ZNF266: variants seen among roughly 807,000 people sequenced by gnomAD.
ZNF266 encodes zinc finger protein 1.
A neutral mutation model predicts 16.4 loss-of-function variants in ZNF266; 16 were observed. The observed-to-expected ratio is 0.98, with a 90% CI of 0.66 to 1.48. The LOEUF (loss-of-function observed/expected upper bound fraction) is 1.48. Among genes scored for constraint, ZNF266 ranks in the 40% most tolerant of loss-of-function variants. The pLI is 0.00. For missense variants in ZNF266, 738 were observed against 689.1 expected, an observed-to-expected ratio of 1.07 and a Z score of -0.79; for synonymous variants, 262 against 237.9, an observed-to-expected ratio of 1.10 and a Z score of -0.93.
chr19:9,427,407 C>A (rs768709037), intron 5 of ZNF266, among the ~76,000 whole-genome samples: 3 of 152,166 alleles, frequency 2.0e-5, no homozygotes, highest in Non-Finnish European at 4.4e-5. Flanking sequence ...GCAACCTCCG[C>A]CACCCAGGGT....
intron 5 of ZNF266, among the ~76,000 whole-genome samples, chr19:9,427,988 G>A (rs200037582): frequency 6.6e-6 from 1 of 151,684 alleles, no homozygotes; most frequent in African/African-American, 2.4e-5. Context: ...AAAACGGGGG[G>A]AAAAATCAAC....
rs1007738382 is a variant in ZNF266, at chr19:9,413,584, A to T, written c.1542T>A (p.His514Gln). Residue 514 changes from histidine (H) to glutamine (Q), a missense_variant, in exon 11 of 11, where the codon CAT (histidine) becomes CAA (glutamine). Transcript: ENST00000592904. ...ECLECGKAFT[H>Q]SSSLNNHMRT... ...GCATGTGATTATTAAGACTGGAGGA[A>T]TGCGTAAATGCTTTACCACATTCCA... 6.2e-7 allele frequency: 1 copy of T among 1,614,198 alleles called. No individual in the cohort carries two copies. Among genetic ancestry groups the T allele is most frequent in the African/African-American group, 1.3e-5 (1 of 75,048 alleles).
intron 10 of ZNF266, 106 bp from the exon 11 acceptor site, chr19:9,414,826 A>C: frequency 7.6e-7 from 1 of 1,315,462 alleles, no homozygotes; most frequent in East Asian, 2.4e-5. Flanking sequence ...CATGTTTACC[A>C]TTTTCATTAC....
intron 9 of ZNF266, among the ~76,000 whole-genome samples, chr19:9,416,306 A>C (rs184899196): frequency 1.2e-4 from 18 of 151,950 alleles, no homozygotes; most frequent in Admixed American, 5.9e-4. Context: ...CCATGGAAGG[A>C]AAGTTGAGGA....
intron 5 of ZNF266, among the ~76,000 whole-genome samples, chr19:9,426,207 A>G (rs1160786715): frequency 6.6e-6 from 1 of 152,124 alleles, no homozygotes; most frequent in Non-Finnish European, 1.5e-5. Context: ...AAGGGGTCAG[A>G]TGGGAAGCAC....
In ZNF266 at chr19:9,428,733, A is replaced by AAC. The variant is rs1555761259; in HGVS notation, c.-130+4934_-130+4935insGT. On this transcript the variant is annotated intron_variant, in intron 5 of 10. Coordinates refer to ENST00000592904, the MANE Select transcript of ZNF266 (RefSeq NM_001370374.1). ...CAGGGTGGGAAAAAAAAAAAAAAAA[A>AAC]CCCTGGGAATCTCTTGTCTGACAGA... Among the ~76,000 whole-genome samples the AAC allele has an allele frequency of 7.6e-3, 1,150 of 150,392 alleles. 17 individuals carry two copies. Among genetic ancestry groups the AAC allele is most frequent in the African/African-American group, 0.026 (1,072 of 40,802 alleles).
intron 9 of ZNF266, 84 bp from the exon 10 acceptor site, chr19:9,415,826 G>A: frequency 8.1e-7 from 1 of 1,236,442 alleles, no homozygotes; most frequent in Non-Finnish European, 1.2e-6. Context: ...ATTTGTACTT[G>A]TTTTCTTTTT....
At chr19:9,418,038 CGTCT>C (rs2069326020) in intron 8 of ZNF266, 130 bp from the exon 9 acceptor site, 2 of 933,114 alleles carry the variant, frequency 2.1e-6, no homozygotes, top group African/African-American at 3.2e-5. Context: ...ATGCAAATAT[CGTCT>C]GTCTGTGCCC....
At chr19:9,415,623 G>GA (rs750409741) in intron 10 of ZNF266, 31 bp downstream of exon 10, 1 of 1,550,276 alleles carries the variant, frequency 6.5e-7, no homozygotes, top group Non-Finnish European at 8.9e-7. Flanking sequence ...CTCTAAATGT[G>GA]AAAACTAAGA....
At chr19:9,434,721 G>A (rs536188362) in intron 3 of ZNF266, 77 bp downstream of exon 3, 1 of 152,178 alleles carries the variant, frequency 6.6e-6, no homozygotes, top group Admixed American at 6.5e-5. Context: ...GGTTTTAAAA[G>A]GACATGTCTT....
chr19:9,431,225 A>C (rs2071540445), intron 5 of ZNF266, among the ~76,000 whole-genome samples: 1 of 152,114 alleles, frequency 6.6e-6, no homozygotes, highest in African/African-American at 2.4e-5. Context: ...AGGGCATTGG[A>C]GGGTGCTCTG....
intron 9 of ZNF266, 148 bp downstream of exon 9, chr19:9,417,680 G>A (rs773002153): frequency 5.6e-5 from 31 of 549,672 alleles, no homozygotes; most frequent in African/African-American, 1.3e-4. Flanking sequence ...CCTGCGAGGC[G>A]GAGGTTGCAG....
At chr19:9,433,972 C>T (rs986550751) in intron 4 of ZNF266, 103 bp downstream of exon 4, 11 of 152,192 alleles carry the variant, frequency 7.2e-5, no homozygotes, top group African/African-American at 2.6e-4. Context: ...GAAACTCTGT[C>T]TCCCAAAAGA....
At position 9,415,748 on chromosome 19, in the gene ZNF266, G is replaced by A; in HGVS notation, c.317-6C>T. On this transcript the variant is annotated splice_polypyrimidine_tract_variant and splice_region_variant and intron_variant, in intron 9 of 10. Coordinates refer to ENST00000592904, the MANE Select transcript of ZNF266 (RefSeq NM_001370374.1). ...TTGCACTTTCCATTCTGAAGCTGAA[G>A]AGAAAAAGAAATGTAAGGGTTTGGA... 9.9e-6 allele frequency: 16 copies of A among 1,610,958 alleles called. No homozygotes were observed. The highest frequency in any genetic ancestry group is 1.4e-5 in the Non-Finnish European group (16 of 1,177,732).
intron 8 of ZNF266, 130 bp from the exon 9 acceptor site, chr19:9,418,038 C>T (rs967143432): frequency 1.8e-5 from 17 of 933,116 alleles, no homozygotes; most frequent in African/African-American, 1.8e-4. Flanking sequence ...ATGCAAATAT[C>T]GTCTGTCTGT....
chr19:9,418,279 T>A (rs183526997), intron 8 of ZNF266, among the ~76,000 whole-genome samples: 1 of 152,258 alleles, frequency 6.6e-6, no homozygotes, highest in Non-Finnish European at 1.5e-5. Flanking sequence ...TCTCACTGAG[T>A]ATGTCAAAGG....
At chr19:9,433,424 TAGG>T (rs1338488868) in intron 5 of ZNF266, among the ~76,000 whole-genome samples, 7 of 152,040 alleles carry the variant, frequency 4.6e-5, no homozygotes. Context: ...CTAATTTAGG[TAGG>T]AGAAGGAACC....
chr19:9,417,788 C>A, intron 9 of ZNF266, 40 bp downstream of exon 9: 4 of 1,525,698 alleles, frequency 2.6e-6, no homozygotes, highest in Non-Finnish European at 3.6e-6. Flanking sequence ...TATAAACATA[C>A]TGAACTTATT....
At chr19:9,417,253 C>A (rs377570788) in intron 9 of ZNF266, among the ~76,000 whole-genome samples, 12 of 152,110 alleles carry the variant, frequency 7.9e-5, no homozygotes, top group African/African-American at 2.6e-4. Context: ...CCTGTAGTCC[C>A]GGCTACTCGG....
Sources: gnomAD v4.1 joint callset for allele counts (sites outside exome capture counted in the v4.1 genomes callset) on GRCh38, gnomAD v4.1.1 for gene constraint, MANE v1.5 for transcripts, NCBI Gene and HGNC (gene_info 2026-07-23, HGNC 2026-07-21) for gene names.